The following SLC14A2 variants were observed in gnomAD, a reference collection of about 807,000 sequenced individuals.
The protein encoded by SLC14A2 is urea transporter 2.
A neutral mutation model predicts 104.6 loss-of-function variants in SLC14A2; 91 were observed. The observed-to-expected ratio is 0.87, with a 90% CI of 0.73 to 1.04. The LOEUF (loss-of-function observed/expected upper bound fraction) is 1.04, where lower values mean the gene tolerates loss of function less well. Among genes scored for constraint, SLC14A2 ranks in the 50% least tolerant of loss-of-function variants. The pLI, the probability that SLC14A2 is intolerant of heterozygous loss-of-function variation, is 0.00. For missense variants in SLC14A2, 1,189 were observed against 1,156.0 expected (o/e 1.03, Z -0.41); for synonymous variants, 476 against 466.4 (o/e 1.02, Z -0.27).
chr18:45,426,340 G>A (rs1347883400), intron 1 of SLC14A2, among the ~76,000 whole-genome samples: 1 of 152,038 alleles, frequency 6.6e-6, no homozygotes, highest in Non-Finnish European at 1.5e-5. Context: ...AACTTATCGA[G>A]TGCGTAATCG....
At chr18:45,584,968 T>C (rs187446305) in intron 2 of SLC14A2, among the ~76,000 whole-genome samples, 1 of 152,302 alleles carries the variant, frequency 6.6e-6, no homozygotes, top group East Asian at 1.9e-4. Flanking sequence ...TCAAAAATAG[T>C]CTGTGGGCAA....
chr18:45,429,428 A>G (rs2086480653), intron 1 of SLC14A2, among the ~76,000 whole-genome samples: 1 of 152,128 alleles, frequency 6.6e-6, no homozygotes, highest in East Asian at 1.9e-4. Context: ...AGCAGAAGCA[A>G]ATTGGCAGGG....
At chr18:45,637,939 G>T (rs1453561269) in intron 6 of SLC14A2, among the ~76,000 whole-genome samples, 1 of 152,178 alleles carries the variant, frequency 6.6e-6, no homozygotes, top group Non-Finnish European at 1.5e-5. Context: ...AGCGTGCTGG[G>T]AGGGAAGGCC....
chr18:45,498,527 T>A (rs138339901), intron 2 of SLC14A2, among the ~76,000 whole-genome samples: 1 of 152,290 alleles, frequency 6.6e-6, no homozygotes, highest in African/African-American at 2.4e-5. Context: ...TAGATGAAAT[T>A]GGCAGGAATC....
At chr18:45,287,266 A>C (rs1240278781) in intron 1 of SLC14A2, among the ~76,000 whole-genome samples, 1 of 152,238 alleles carries the variant, frequency 6.6e-6, no homozygotes, top group Non-Finnish European at 1.5e-5. Context: ...GCTAGCATTA[A>C]TTAGAAAGAG....
intron 4 of SLC14A2, among the ~76,000 whole-genome samples, chr18:45,628,256 C>T (rs186239537): frequency 1.5e-3 from 231 of 151,962 alleles, no homozygotes; most frequent in Non-Finnish European, 2.7e-3. Context: ...CCATTCTGGC[C>T]AATATGGTGA....
chr18:45,538,286 T>A (rs2043826384), intron 2 of SLC14A2, among the ~76,000 whole-genome samples: 1 of 152,240 alleles, frequency 6.6e-6, no homozygotes, highest in African/African-American at 2.4e-5. Flanking sequence ...CCTGGGCCTG[T>A]TCCCCTTGCC....
chr18:45,353,792 C>A (rs150187694), intron 1 of SLC14A2, among the ~76,000 whole-genome samples: 230 of 152,318 alleles, frequency 1.5e-3, no homozygotes, highest in African/African-American at 5.3e-3. Context: ...TAAATATACA[C>A]CCCTGGATTG....
intron 1 of SLC14A2, among the ~76,000 whole-genome samples, chr18:45,464,643 A>G (rs2087107044): frequency 6.6e-6 from 1 of 152,166 alleles, no homozygotes; most frequent in Admixed American, 6.5e-5. Context: ...GCCTTTGTGG[A>G]ATGCTAGAAA....
intron 12 of SLC14A2, 61 bp from the exon 13 acceptor site, chr18:45,666,874 G>C: frequency 1.4e-6 from 2 of 1,432,796 alleles, no homozygotes; most frequent in Non-Finnish European, 1.9e-6. Context: ...CCACAAACAT[G>C]AATTCTCAGT....
chr18:45,612,009 AT>A (rs1376577095), upstream of SLC14A2, among the ~76,000 whole-genome samples: 1 of 152,224 alleles, frequency 6.6e-6, no homozygotes, highest in Admixed American at 6.5e-5. Context: ...TTGAGCACCT[AT>A]TGTGTACAAG....
At chr18:45,458,594 C>A (rs1407745656) in intron 1 of SLC14A2, among the ~76,000 whole-genome samples, 2 of 152,166 alleles carry the variant, frequency 1.3e-5, no homozygotes, top group African/African-American at 4.8e-5. Flanking sequence ...AAATGCCTCT[C>A]CTGGCCCATC....
At chr18:45,642,846 G>T (rs773012382) in intron 8 of SLC14A2, among the ~76,000 whole-genome samples, 46 of 152,254 alleles carry the variant, frequency 3.0e-4, no homozygotes, top group Admixed American at 9.8e-4. Context: ...ATTGACCCCT[G>T]ACTCCATGCA....
intron 2 of SLC14A2, among the ~76,000 whole-genome samples, chr18:45,551,439 CAAT>C (rs2144283378): frequency 1.3e-5 from 2 of 152,330 alleles, no homozygotes; most frequent in East Asian, 3.9e-4. Context: ...TGGAACTCAC[CAAT>C]AAGAAAACAG....
chr18:45,242,496 G>A (rs1026538649), intron 1 of SLC14A2, among the ~76,000 whole-genome samples: 1 of 152,162 alleles, frequency 6.6e-6, no homozygotes, highest in Non-Finnish European at 1.5e-5. Flanking sequence ...TGGAGTTTAG[G>A]TTATTACTAA....
chr18:45,253,880 TG>T (rs1266931554), intron 1 of SLC14A2, among the ~76,000 whole-genome samples: 1 of 152,132 alleles, frequency 6.6e-6, no homozygotes, highest in Admixed American at 6.6e-5. Context: ...TGTGCCTGAG[TG>T]GGTGAGGAGA....
At chr18:45,303,819 C>T (rs754247947) in intron 1 of SLC14A2, among the ~76,000 whole-genome samples, 3 of 152,154 alleles carry the variant, frequency 2.0e-5, no homozygotes, top group Admixed American at 6.5e-5. Flanking sequence ...AAGGTTCCAG[C>T]TAAAAGATCA....
intron 1 of SLC14A2, among the ~76,000 whole-genome samples, chr18:45,231,234 G>GGAGTC (rs2084171704): frequency 7.7e-6 from 1 of 129,924 alleles, no homozygotes; most frequent in African/African-American, 2.7e-5. Flanking sequence ...GTGGAGTCTT[G>GGAGTC]TTGTATCACC....
intron 1 of SLC14A2, among the ~76,000 whole-genome samples, chr18:45,439,435 T>C (rs1289098071): frequency 7.5e-6 from 1 of 134,200 alleles, no homozygotes; most frequent in Admixed American, 8.6e-5. Context: ...ATGCTATGTA[T>C]ATATTCTGAT....
Sources: allele counts gnomAD v4.1 joint callset (sites outside exome capture counted in the v4.1 genomes callset), GRCh38; gene constraint gnomAD v4.1.1; transcripts MANE v1.5; gene names NCBI Gene and HGNC (gene_info 2026-07-23, HGNC 2026-07-21).